CLASP1: variants seen among roughly 807,000 people sequenced by gnomAD.
CLASP1 encodes the protein cytoplasmic linker associated protein 1.
In CLASP1, 38 loss-of-function variants were observed where a neutral mutation model predicts 192.3. The observed-to-expected ratio is 0.20, with a 90% confidence interval of 0.15 to 0.26. The LOEUF (loss-of-function observed/expected upper bound fraction) is 0.26. CLASP1 is among the 10% of genes least tolerant of loss of function. The probability of loss-of-function intolerance (pLI) is 1.00; values close to 1 mark genes in which losing one functional copy is unlikely to be tolerated. For missense variants in CLASP1, 1,433 were observed against 1,932.5 expected, an observed-to-expected ratio of 0.74 and a Z score of 4.85; for synonymous variants, 691 against 712.8, an observed-to-expected ratio of 0.97 and a Z score of 0.49.
chr2:121,367,119 A>C (rs2067558787), intron 35 of CLASP1, among the ~76,000 whole-genome samples: 1 of 152,228 alleles, frequency 6.6e-6, no homozygotes, highest in African/African-American at 2.4e-5. Context: ...GTTACAAAGC[A>C]GGTGTGAAAG....
chr2:121,506,383 G>C (rs1559466024), intron 7 of CLASP1, among the ~76,000 whole-genome samples: 1 of 152,026 alleles, frequency 6.6e-6, no homozygotes, highest in Non-Finnish European at 1.5e-5. Flanking sequence ...AATGTTAGAG[G>C]CCTTTTCCCT....
intron 2 of CLASP1, among the ~76,000 whole-genome samples, chr2:121,572,062 T>G (rs2060023008): frequency 6.6e-6 from 1 of 150,978 alleles, no homozygotes; most frequent in African/African-American, 2.4e-5. Flanking sequence ...AAGAGAAAAA[T>G]GGCATCTGAT....
chr2:121,438,449 T>C lies in CLASP1; in HGVS notation c.1913-8272A>G, dbSNP rs1302222281. Reference sequence around the variant, plus strand: ...TTTTTCTCACCTGTCCACCTTGTCATGGATATACAGCCCCCTTGTCAATGC... The same window carrying C: ...TTTTTCTCACCTGTCCACCTTGTCACGGATATACAGCCCCCTTGTCAATGC... On this transcript the variant is annotated intron_variant, in intron 19 of 39. Transcript: ENST00000263710. 1.3e-5 allele frequency among the ~76,000 whole-genome samples: 2 copies of C among 152,372 alleles called. 1 individual carries two copies. The highest frequency in any genetic ancestry group is 1.3e-4 in the Admixed American group (2 of 15,300).
intron 2 of CLASP1, among the ~76,000 whole-genome samples, chr2:121,558,643 C>T (rs2058793905): frequency 6.6e-6 from 1 of 152,216 alleles, no homozygotes; most frequent in Non-Finnish European, 1.5e-5. Flanking sequence ...AGCTAGAAGG[C>T]TCTCACCAGA....
chr2:121,540,648 C>T (rs1007583177), intron 2 of CLASP1, among the ~76,000 whole-genome samples: 19 of 151,872 alleles, frequency 1.3e-4, no homozygotes, highest in African/African-American at 4.6e-4. Flanking sequence ...ATTAGCTCGG[C>T]GTAGTGGCAT....
At chr2:121,631,675 C>T (rs996688603) in intron 1 of CLASP1, among the ~76,000 whole-genome samples, 3 of 152,066 alleles carry the variant, frequency 2.0e-5, no homozygotes, top group African/African-American at 7.2e-5. Context: ...CTTTGGGAGG[C>T]CAAGGTGGGA....
At chr2:121,508,620 AT>A (rs113342472) in intron 7 of CLASP1, among the ~76,000 whole-genome samples, 10 of 151,938 alleles carry the variant, frequency 6.6e-5, no homozygotes, top group Non-Finnish European at 1.5e-4. Flanking sequence ...CACTGTATTT[AT>A]TTTTTTTATA....
chr2:121,384,710 G>A (rs911221475), intron 32 of CLASP1, among the ~76,000 whole-genome samples: 1 of 151,992 alleles, frequency 6.6e-6, no homozygotes, highest in Non-Finnish European at 1.5e-5. Context: ...TCGAGACTCC[G>A]TTTCTACTAA....
At chr2:121,626,342 C>T (rs1435293389) in intron 1 of CLASP1, among the ~76,000 whole-genome samples, 1 of 152,150 alleles carries the variant, frequency 6.6e-6, no homozygotes, top group Non-Finnish European at 1.5e-5. Context: ...AGAATTAATA[C>T]ACCAATAGTT....
chr2:121,437,437 T>C (rs911044346), intron 19 of CLASP1, among the ~76,000 whole-genome samples: 19 of 151,780 alleles, frequency 1.3e-4, no homozygotes, highest in African/African-American at 4.6e-4. Context: ...TTATGGGAAT[T>C]CTTTAAGATC....
chr2:121,391,538 G>A (rs868713642), intron 30 of CLASP1, among the ~76,000 whole-genome samples: 1 of 152,170 alleles, frequency 6.6e-6, no homozygotes, highest in African/African-American at 2.4e-5. Flanking sequence ...GTATCACTAG[G>A]TCTTTTACTT....
chr2:121,510,363 T>C (rs2094092423), intron 7 of CLASP1, among the ~76,000 whole-genome samples: 1 of 152,232 alleles, frequency 6.6e-6, no homozygotes, highest in African/African-American at 2.4e-5. Flanking sequence ...GGGAAGGCAT[T>C]ACTGCTAAGC....
chr2:121,462,486 G>GT (rs767271445), intron 10 of CLASP1, 46 bp downstream of exon 10: 7 of 1,080,650 alleles, frequency 6.5e-6, no homozygotes, highest in East Asian at 4.8e-5. Flanking sequence ...AACTTGAAGA[G>GT]TAAGTTGACC....
intron 19 of CLASP1, among the ~76,000 whole-genome samples, chr2:121,436,032 CTTT>C (rs201117966): frequency 6.9e-6 from 1 of 144,246 alleles, no homozygotes; most frequent in Non-Finnish European, 1.5e-5. Flanking sequence ...TGCAATTTTA[CTTT>C]TTTTTTTTTT....
At chr2:121,617,346 C>T (rs2066636996) in intron 1 of CLASP1, among the ~76,000 whole-genome samples, 1 of 152,256 alleles carries the variant, frequency 6.6e-6, no homozygotes, top group Non-Finnish European at 1.5e-5. Context: ...TTCCCAGCAG[C>T]TTGTAAATGT....
At chr2:121,458,756 A>C in intron 13 of CLASP1, 84 bp downstream of exon 13, 2 of 1,022,274 alleles carry the variant, frequency 2.0e-6, no homozygotes, top group Non-Finnish European at 2.7e-6. Flanking sequence ...CAATATAATT[A>C]TGTTAACAAA....
At chr2:121,438,360 A>G (rs1446047888) in intron 19 of CLASP1, among the ~76,000 whole-genome samples, 3 of 152,246 alleles carry the variant, frequency 2.0e-5, no homozygotes, top group Non-Finnish European at 4.4e-5. Flanking sequence ...CCCTCTGTTT[A>G]AGGCAAAGTC....
chr2:121,530,672 G>T, intron 2 of CLASP1: 1 of 511,490 alleles, frequency 2.0e-6, no homozygotes, highest in South Asian at 3.1e-5. Context: ...TCGAGCGGCC[G>T]ACGCGCGGTC....
chr2:121,456,261 A>G (rs2086636213), intron 14 of CLASP1, among the ~76,000 whole-genome samples: 2 of 151,826 alleles, frequency 1.3e-5, no homozygotes, highest in African/African-American at 4.8e-5. Context: ...GCACTTTGGG[A>G]GATCAAGGTG....
Sources: gnomAD v4.1 joint callset for allele counts (sites outside exome capture counted in the v4.1 genomes callset) on GRCh38, gnomAD v4.1.1 for gene constraint, MANE v1.5 for transcripts, NCBI Gene and HGNC (gene_info 2026-07-23, HGNC 2026-07-21) for gene names.